Variants in GRIK2 observed in about 807,000 individuals in gnomAD.
The protein encoded by GRIK2 is glutamate ionotropic receptor kainate type subunit 2, also known as glutamate receptor ionotropic, kainate 2.
A neutral mutation model predicts 100.3 loss-of-function variants in GRIK2; 32 were observed. The observed-to-expected ratio is 0.32, with a 90% confidence interval of 0.24 to 0.43. The LOEUF is 0.43. Ranked by LOEUF, GRIK2 falls within the 20% of genes least tolerant of loss-of-function variation. The pLI is 1.00. For missense variants in GRIK2, 843 were observed against 1,114.9 expected (o/e 0.76, Z 3.47); for synonymous variants, 417 against 389.4 (o/e 1.07, Z -0.83).
intron 4 of GRIK2, among the ~76,000 whole-genome samples, chr6:101,674,758 G>A (rs1325201643): frequency 6.6e-6 from 1 of 152,090 alleles, no homozygotes; most frequent in Non-Finnish European, 1.5e-5. Context: ...ATTTTACCAT[G>A]CAATTTTTGC....
intron 14 of GRIK2, among the ~76,000 whole-genome samples, chr6:101,954,963 T>C (rs892867674): frequency 1.3e-5 from 2 of 152,138 alleles, no homozygotes; most frequent in Non-Finnish European, 2.9e-5. Flanking sequence ...GATGGTCCTC[T>C]GATTTTTCCT....
chr6:101,983,233 C>A (rs937962566), intron 14 of GRIK2, among the ~76,000 whole-genome samples: 1 of 151,782 alleles, frequency 6.6e-6, no homozygotes, highest in South Asian at 2.1e-4. Flanking sequence ...CTCCCAAATT[C>A]CCTACACATG....
intron 2 of GRIK2, among the ~76,000 whole-genome samples, chr6:101,531,086 T>C (rs368937902): frequency 4.6e-5 from 7 of 152,004 alleles, no homozygotes; most frequent in African/African-American, 1.2e-4. Context: ...TCAAAAGTTA[T>C]ACAGTTAAAG....
At chr6:101,476,559 T>G (rs1045683589) in intron 2 of GRIK2, among the ~76,000 whole-genome samples, 6 of 152,100 alleles carry the variant, frequency 3.9e-5, no homozygotes, top group Non-Finnish European at 8.8e-5. Flanking sequence ...TTATAAAATG[T>G]GAATAATTAT....
intron 9 of GRIK2, among the ~76,000 whole-genome samples, chr6:101,809,690 A>G (rs1028382842): frequency 3.3e-5 from 5 of 152,034 alleles, no homozygotes; most frequent in African/African-American, 1.2e-4. Flanking sequence ...TAAACTTTAA[A>G]TTAGTCAAAA....
intron 4 of GRIK2, among the ~76,000 whole-genome samples, chr6:101,650,479 T>C (rs538676608): frequency 6.6e-6 from 1 of 152,124 alleles, no homozygotes; most frequent in Non-Finnish European, 1.5e-5. Flanking sequence ...TACCAAAAAC[T>C]GTTTCATCCA....
chr6:101,647,130 A>G (rs541253916), intron 4 of GRIK2, among the ~76,000 whole-genome samples: 2 of 152,150 alleles, frequency 1.3e-5, no homozygotes, highest in South Asian at 4.1e-4. Flanking sequence ...CAGAATAAGG[A>G]TTTAAACCCA....
intron 14 of GRIK2, among the ~76,000 whole-genome samples, chr6:102,020,414 T>C (rs1769364516): frequency 6.6e-6 from 1 of 151,528 alleles, no homozygotes; most frequent in African/African-American, 2.4e-5. Flanking sequence ...TGGAGCAGAG[T>C]GAGGCTCAGT....
intron 10 of GRIK2, among the ~76,000 whole-genome samples, chr6:101,823,230 C>T (rs1332407107): frequency 6.6e-6 from 1 of 152,096 alleles, no homozygotes; most frequent in Non-Finnish European, 1.5e-5. Flanking sequence ...TTAAGAATTG[C>T]AATGTTTACA....
At chr6:101,893,937 T>G (rs1787271072) in intron 12 of GRIK2, among the ~76,000 whole-genome samples, 1 of 151,620 alleles carries the variant, frequency 6.6e-6, no homozygotes, top group African/African-American at 2.4e-5. Flanking sequence ...TCTGTAAGAA[T>G]GCCATGTATT....
chr6:102,034,203 T>C (rs898920209), intron 14 of GRIK2, among the ~76,000 whole-genome samples: 2 of 151,354 alleles, frequency 1.3e-5, no homozygotes, highest in Non-Finnish European at 3.0e-5. Context: ...TGTACCTTTT[T>C]CTTTTTCCTA....
At chr6:101,791,809 T>C (rs1218707194) in intron 7 of GRIK2, among the ~76,000 whole-genome samples, 6 of 151,744 alleles carry the variant, frequency 4.0e-5, no homozygotes, top group Non-Finnish European at 8.8e-5. Flanking sequence ...CAGTGTGGTG[T>C]TAAAGTCTCC....
intron 10 of GRIK2, among the ~76,000 whole-genome samples, chr6:101,838,654 CTT>C (rs3055065): frequency 2.1e-5 from 3 of 143,846 alleles, no homozygotes; most frequent in Non-Finnish European, 3.0e-5. Flanking sequence ...ATTAATACAA[CTT>C]TTTTTTTTTT....
chr6:101,477,339 G>C (rs938925719), intron 2 of GRIK2, among the ~76,000 whole-genome samples: 1 of 152,116 alleles, frequency 6.6e-6, no homozygotes, highest in Non-Finnish European at 1.5e-5. Context: ...TCATCAGAAC[G>C]GTAAGGGATA....
intron 14 of GRIK2, among the ~76,000 whole-genome samples, chr6:101,935,514 T>A (rs1405972178): frequency 1.3e-5 from 2 of 151,894 alleles, no homozygotes; most frequent in African/African-American, 4.8e-5. Context: ...GGTCCATATT[T>A]GAGACTTGGG....
At chr6:101,711,701 G>C (rs1490155198) in intron 7 of GRIK2, among the ~76,000 whole-genome samples, 3 of 151,758 alleles carry the variant, frequency 2.0e-5, no homozygotes, top group African/African-American at 7.3e-5. Flanking sequence ...ATCAAAAGAG[G>C]AAGTGTGTTA....
At chr6:101,641,057 A>G (rs1017588926) in intron 4 of GRIK2, among the ~76,000 whole-genome samples, 1 of 152,102 alleles carries the variant, frequency 6.6e-6, no homozygotes, top group East Asian at 1.9e-4. Context: ...CTTGTCCTTA[A>G]GAGTATTCAA....
At chr6:101,894,475 A>G (rs1049126612) in intron 12 of GRIK2, among the ~76,000 whole-genome samples, 2 of 151,688 alleles carry the variant, frequency 1.3e-5, no homozygotes, top group Admixed American at 1.3e-4. Context: ...CAAAATTCTA[A>G]TGGTAGCTCT....
At chr6:101,934,379 A>G (rs75426325) in intron 14 of GRIK2, among the ~76,000 whole-genome samples, 1 of 151,864 alleles carries the variant, frequency 6.6e-6, no homozygotes, top group East Asian at 1.9e-4. Context: ...TGTTCTTTAT[A>G]GTCTGCCACT....
Sources: gnomAD v4.1 joint callset for allele counts (sites outside exome capture counted in the v4.1 genomes callset) on GRCh38, gnomAD v4.1.1 for gene constraint, MANE v1.5 for transcripts, NCBI Gene and HGNC (gene_info 2026-07-23, HGNC 2026-07-21) for gene names.